Variants in FOXJ3 observed in about 807,000 individuals in gnomAD.
The protein encoded by FOXJ3 is forkhead box protein J3.
Under a neutral mutation model 76.1 loss-of-function variants are expected in FOXJ3, and 22 were observed. That is an observed-to-expected ratio of 0.29 (90% confidence interval 0.21 to 0.41). The LOEUF is 0.41. Among genes scored for constraint, FOXJ3 ranks in the 10% least tolerant of loss-of-function variants. The pLI is 1.00. For missense variants in FOXJ3, 613 were observed against 762.1 expected, an observed-to-expected ratio of 0.80 and a Z score of 2.30; for synonymous variants, 269 against 261.2, an observed-to-expected ratio of 1.03 and a Z score of -0.29.
chr1:42,182,953 A>G (rs1017202420), intron 11 of FOXJ3, among the ~76,000 whole-genome samples: 1 of 151,994 alleles, frequency 6.6e-6, no homozygotes, highest in Non-Finnish European at 1.5e-5. Context: ...ACATGGTAAA[A>G]GAGCTACAAC....
At position 42,316,333 on chromosome 1, in the gene FOXJ3, C is replaced by CGTTTTTTTTT. The variant is rs1322633444; in HGVS notation, c.-17-5224_-17-5223insAAAAAAAAAC. On this transcript the variant is annotated intron_variant, in intron 1 of 12. Transcript: ENST00000361346. ...ACAGGTGCACACCACTGCATTGGGC[C>CGTTTTTTTTT]TTTTTTTTTTTTTTTTCTGTAGAAA... Among the ~76,000 whole-genome samples, 25 of 73,916 alleles carry CGTTTTTTTTT rather than the reference C, an allele frequency of 3.4e-4. 2 individuals carry two copies. The highest frequency in any genetic ancestry group is 1.0e-3 in the African/African-American group (24 of 23,040). The allele number at this position is 73,916 out of a possible 152,430, so 48.5% of individuals were successfully genotyped here.
intron 8 of FOXJ3, among the ~76,000 whole-genome samples, chr1:42,193,763 T>C (rs953547782): frequency 3.9e-5 from 6 of 152,184 alleles, no homozygotes; most frequent in African/African-American, 1.4e-4. Context: ...GGAAACTTTC[T>C]GAGTTGGGGT....
intron 1 of FOXJ3, among the ~76,000 whole-genome samples, chr1:42,314,133 CT>C (rs779075442): frequency 1.3e-3 from 197 of 152,294 alleles, no homozygotes; most frequent in Non-Finnish European, 2.1e-3. Context: ...CTCTTAGTCT[CT>C]ATGAGGAATT....
In FOXJ3 at chr1:42,199,024, T is replaced by C. The variant is rs192135996; in HGVS notation, c.759+78A>G. The C allele has an allele frequency of 5.1e-5, 60 of 1,178,764 alleles. No homozygotes were observed. The African/African-American group carries it at 7.4e-4, about 15-fold the overall frequency. 73.0% of individuals were successfully genotyped at this position (1,178,764 alleles called of 1,614,324 possible). On this transcript the variant is annotated intron_variant, in intron 7 of 12. Transcript: ENST00000361346. ...GAAAAACATACCTTCATTTTTAAATTTGCATTTCAATTATGTTTGGTTTAG... is the reference window on the plus strand; with the variant it reads ...GAAAAACATACCTTCATTTTTAAATCTGCATTTCAATTATGTTTGGTTTAG...
chr1:42,280,581 TAGAG>T (rs1276346240), intron 2 of FOXJ3, among the ~76,000 whole-genome samples: 2 of 150,560 alleles, frequency 1.3e-5, no homozygotes, highest in Non-Finnish European at 2.9e-5. Flanking sequence ...GTCAAAACAG[TAGAG>T]AAAGTACCCT....
intron 4 of FOXJ3, among the ~76,000 whole-genome samples, chr1:42,252,107 G>A (rs561400211): frequency 1.6e-4 from 24 of 152,272 alleles, no homozygotes; most frequent in South Asian, 2.1e-4. Context: ...GTCTCTGCCC[G>A]GCTTTGGTAT....
In FOXJ3 at chr1:42,291,863, A is replaced by AT. The variant is rs1174689424; in HGVS notation, c.45-13192dup. On this transcript the variant is annotated intron_variant, in intron 2 of 12. Coordinates refer to ENST00000361346, the MANE Select transcript of FOXJ3 (RefSeq NM_014947.5). ...AAAACTCAATGAGATGAGAAAACCC[A>AT]TTTTTTTAAAGGGCGAAAGACTTGA... Among the ~76,000 whole-genome samples the AT allele has an allele frequency of 6.6e-5, 10 of 152,144 alleles. No homozygotes were observed. In the East Asian group the frequency reaches 1.9e-3, roughly 29 times the overall value.
chr1:42,275,485 C>A (rs10890189), intron 3 of FOXJ3, among the ~76,000 whole-genome samples: 1 of 151,878 alleles, frequency 6.6e-6, no homozygotes, highest in East Asian at 1.9e-4. Context: ...CACTTGAGGC[C>A]AAGACCAGTC....
chr1:42,184,568 G>T (rs918964829), intron 11 of FOXJ3, among the ~76,000 whole-genome samples: 1 of 151,976 alleles, frequency 6.6e-6, no homozygotes, highest in Non-Finnish European at 1.5e-5. Flanking sequence ...AAGATTTCAG[G>T]CACTGCTCGA....
chr1:42,250,814 A>C (rs1422342133), intron 4 of FOXJ3, among the ~76,000 whole-genome samples: 1 of 151,036 alleles, frequency 6.6e-6, no homozygotes. Context: ...AAAAAAAAAA[A>C]AAAAAAGTCC....
At chr1:42,255,637 T>C (rs1259583105) in intron 4 of FOXJ3, among the ~76,000 whole-genome samples, 1 of 152,038 alleles carries the variant, frequency 6.6e-6, no homozygotes, top group Non-Finnish European at 1.5e-5. Context: ...AAAAGCAAAA[T>C]ACTGGAAAAA....
intron 11 of FOXJ3, among the ~76,000 whole-genome samples, chr1:42,185,747 C>T (rs754837417): frequency 2.6e-5 from 4 of 152,048 alleles, no homozygotes; most frequent in Non-Finnish European, 5.9e-5. Context: ...AAGATATAAA[C>T]AAATTATAAC....
At chr1:42,266,575 G>C (rs772578949) in intron 3 of FOXJ3, among the ~76,000 whole-genome samples, 1 of 152,082 alleles carries the variant, frequency 6.6e-6, no homozygotes, top group Non-Finnish European at 1.5e-5. Flanking sequence ...GCGTGGGGCT[G>C]TCACTTTAGA....
chr1:42,292,763 T>C (rs181674035), intron 2 of FOXJ3, among the ~76,000 whole-genome samples: 156 of 152,274 alleles, frequency 1.0e-3, no homozygotes, highest in Non-Finnish European at 1.7e-3. Flanking sequence ...ACTTATAAAA[T>C]TGTACTATGT....
chr1:42,300,460 AT>A (rs1268513262), intron 2 of FOXJ3, among the ~76,000 whole-genome samples: 1 of 151,990 alleles, frequency 6.6e-6, no homozygotes, highest in Admixed American at 6.6e-5. Flanking sequence ...TACAAAGCTT[AT>A]TTTTTTGGCA....
chr1:42,191,380 T>C lies in FOXJ3; in HGVS notation c.1274A>G (p.Gln425Arg). ...PQHPSPHQHI[Q>R]HHPNHQHQTL... The stretch of plus-strand genomic sequence containing the variant: ...CTGATGCTGATGGTTCGGATGGTGC[T>C]GTATGTGTTGATGTGGAGAGGGATG... Residue 425 changes from glutamine to arginine, a missense_variant, in exon 9 of 13, where the codon CAG becomes CGG. Transcript: ENST00000361346. 1 of 1,604,668 alleles carries C rather than the reference T, an allele frequency of 6.2e-7. No individual in the cohort carries two copies. Among genetic ancestry groups the C allele is most frequent in the Non-Finnish European group, 8.5e-7 (1 of 1,173,202 alleles).
At chr1:42,286,006 G>A (rs1653029830) in intron 2 of FOXJ3, among the ~76,000 whole-genome samples, 3 of 152,166 alleles carry the variant, frequency 2.0e-5, no homozygotes, top group African/African-American at 7.2e-5. Context: ...ATAGTAAATG[G>A]TAGAATCTCT....
chr1:42,193,791 T>G (rs78328263), intron 8 of FOXJ3, among the ~76,000 whole-genome samples: 3,163 of 152,264 alleles, frequency 0.021, 112 homozygotes, highest in African/African-American at 0.072. Flanking sequence ...TTTGAATGTA[T>G]GTGTCCCTCC....
chr1:42,322,974 T>A (rs1557724851), intron 1 of FOXJ3, among the ~76,000 whole-genome samples: 1 of 152,234 alleles, frequency 6.6e-6, no homozygotes, highest in East Asian at 1.9e-4. Flanking sequence ...ATATCACCTA[T>A]GGAGGGAAAC....
Sources: allele counts gnomAD v4.1 joint callset (sites outside exome capture counted in the v4.1 genomes callset), GRCh38; gene constraint gnomAD v4.1.1; transcripts MANE v1.5; gene names NCBI Gene and HGNC (gene_info 2026-07-23, HGNC 2026-07-21).